Variants in SMAP2 observed in about 807,000 individuals in gnomAD.
SMAP2 encodes stromal membrane-associated protein 2.
SMAP2 carries 25 observed loss-of-function variants against 56.4 expected under a neutral mutation model. That is an observed-to-expected ratio of 0.44 (90% CI 0.32 to 0.62). The LOEUF is 0.62. Ranked by LOEUF, SMAP2 falls within the 20% of genes least tolerant of loss-of-function variation. The pLI, the probability that SMAP2 is intolerant of heterozygous loss-of-function variation, is 0.04. For missense variants in SMAP2, 388 were observed against 545.6 expected, an observed-to-expected ratio of 0.71 and a Z score of 2.88; for synonymous variants, 157 against 181.7, an observed-to-expected ratio of 0.86 and a Z score of 1.09.
At chr1:40,363,656 G>A (rs533657392) in intron 2 of SMAP2, among the ~76,000 whole-genome samples, 10 of 152,312 alleles carry the variant, frequency 6.6e-5, no homozygotes, top group South Asian at 6.2e-4. Context: ...AGTAATCACA[G>A]TACCTGGTTT....
At chr1:40,348,000 T>G (rs936947323) in intron 1 of SMAP2, among the ~76,000 whole-genome samples, 4 of 152,140 alleles carry the variant, frequency 2.6e-5, no homozygotes, top group Non-Finnish European at 4.4e-5. Context: ...TTATAAATAA[T>G]GTTTTAAAAA....
chr1:40,399,927 T>A (rs939836511), intron 1 of SMAP2, among the ~76,000 whole-genome samples: 7 of 152,280 alleles, frequency 4.6e-5, no homozygotes, highest in Admixed American at 4.6e-4. Context: ...AGTTGATAAT[T>A]GCTGAAGCTC....
Position 40,406,767 on chromosome 1 carries a change from G to T in SMAP2, c.135G>T (p.Val45=). ...GPRWASWNIG[V]FICIRCAGIH... is the part of the protein sequence containing the mutation. Reference sequence around the variant, plus strand: ...GATGGGCCTCTTGGAACATTGGTGTGTTCATCTGCATTCGATGTGCTGGAA... The same window carrying T: ...GATGGGCCTCTTGGAACATTGGTGTTTTCATCTGCATTCGATGTGCTGGAA... The change falls in exon 2 of 10, where the codon GTG becomes GTT. Residue 45 remains valine, a synonymous_variant. Transcript: ENST00000372718. The T allele has an allele frequency of 1.2e-6, 2 of 1,614,082 alleles. No homozygotes were observed. Among genetic ancestry groups the T allele is most frequent in the Non-Finnish European group, 1.7e-6 (2 of 1,179,950 alleles).
At chr1:40,405,897 A>G (rs1049564000) in intron 1 of SMAP2, among the ~76,000 whole-genome samples, 2 of 152,194 alleles carry the variant, frequency 1.3e-5, no homozygotes, top group African/African-American at 2.4e-5. Flanking sequence ...TTTTGTTGCT[A>G]TAAGCATCTT....
In SMAP2 at chr1:40,368,201, G is replaced by GT. The variant is rs1372098086; in HGVS notation, c.55+5765_55+5766insT. Among the ~76,000 whole-genome samples, 6 of 143,620 alleles carry GT rather than the reference G, an allele frequency of 4.2e-5. No individual in the cohort carries two copies. In the East Asian group the frequency reaches 1.3e-3, roughly 30 times the overall value. The allele number at this position is 143,620 out of a possible 152,430, so 94.2% of individuals were successfully genotyped here. A position where few individuals can be genotyped will look rare whatever the true frequency, so the allele number is the denominator to read the frequency against. On this transcript the variant is annotated intron_variant, in intron 2 of 6. Coordinates refer to the SMAP2 transcript ENST00000435168. ...ACCAATAACAGGAGCTGAAATTGTG[G>GT]CAATAATCAATAGCTTACCAACCAA...
At chr1:40,413,974 G>C in intron 5 of SMAP2, 185 bp from the exon 6 acceptor site, 1 of 577,040 alleles carries the variant, frequency 1.7e-6, no homozygotes, top group Non-Finnish European at 3.1e-6. Flanking sequence ...TTTTAGGTTT[G>C]GTTTATGCAC....
intron 3 of SMAP2, among the ~76,000 whole-genome samples, chr1:40,409,171 T>C (rs1305224402): frequency 6.6e-6 from 1 of 152,268 alleles, no homozygotes; most frequent in African/African-American, 2.4e-5. Context: ...CAATAACCAA[T>C]AACTTTCTTC....
At position 40,422,032 on chromosome 1, in the gene SMAP2, T is replaced by C. The variant is rs370090691; in HGVS notation, c.1221T>C (p.Tyr407=). 13 of 1,614,158 alleles carry C rather than the reference T, an allele frequency of 8.1e-6. No homozygotes were observed. The African/African-American group carries it at 1.7e-4, about 22-fold the overall frequency. Residue 407 remains tyrosine (Y), a synonymous_variant, in exon 10 of 10, where the codon TAT becomes TAC. Coordinates refer to ENST00000372718, the MANE Select transcript of SMAP2 (RefSeq NM_022733.3). ...NFYGANGMMN[Y]GQSMSGGNGQ... ...ATGGAGCCAATGGCATGATGAACTATGGACAGTCAATGAGTGGCGGAAATG... is the reference window on the plus strand; with the variant it reads ...ATGGAGCCAATGGCATGATGAACTACGGACAGTCAATGAGTGGCGGAAATG...
Position 40,416,275 on chromosome 1 carries a change from A to C in SMAP2, c.781A>C (p.Lys261Gln), listed in dbSNP as rs752873909. 6.2e-7 allele frequency: 1 copy of C among 1,614,016 alleles called. No homozygotes were observed. Among genetic ancestry groups the C allele is most frequent in the African/African-American group, 1.3e-5 (1 of 74,926 alleles). ...PGSKSEEIGKKQLSKDSILSL... is the reference protein window; with the variant it reads ...PGSKSEEIGKQQLSKDSILSL... Reference sequence around the variant, plus strand: ...GAGCAAATCAGAAGAAATAGGCAAGAAACAGCTCTCTAAAGACTCCATTCT... The same window carrying C: ...GAGCAAATCAGAAGAAATAGGCAAGCAACAGCTCTCTAAAGACTCCATTCT... The change falls in exon 8 of 10, where the codon AAA becomes CAA. Residue 261 changes from lysine to glutamine, a missense_variant. Physicochemically the swap from Lys to Gln is moderately conservative, Grantham distance 53. Coordinates refer to ENST00000372718, the MANE Select transcript of SMAP2 (RefSeq NM_022733.3).
chr1:40,415,154 G>A, intron 6 of SMAP2, 118 bp from the exon 7 acceptor site: 1 of 755,754 alleles, frequency 1.3e-6, no homozygotes, highest in East Asian at 2.5e-5. Context: ...GATGGTTCCA[G>A]AAGTCTAGAT....
intron 1 of SMAP2, among the ~76,000 whole-genome samples, chr1:40,354,236 G>A (rs1279417393): frequency 6.6e-6 from 1 of 152,180 alleles, no homozygotes; most frequent in African/African-American, 2.4e-5. Context: ...ATCCAAGGGT[G>A]ACTTCAAATG....
chr1:40,409,124 C>T (rs760738501), intron 3 of SMAP2, among the ~76,000 whole-genome samples: 9 of 152,178 alleles, frequency 5.9e-5, no homozygotes, highest in Non-Finnish European at 1.2e-4. Flanking sequence ...CTTTTTATGT[C>T]TTGGGTGAAA....
At chr1:40,400,460 G>A (rs976778393) in intron 1 of SMAP2, among the ~76,000 whole-genome samples, 1 of 152,142 alleles carries the variant, frequency 6.6e-6, no homozygotes. Flanking sequence ...GCTATTAGGA[G>A]GTTATTGCAG....
At chr1:40,394,865 A>G (rs528308980) in intron 1 of SMAP2, among the ~76,000 whole-genome samples, 1 of 152,278 alleles carries the variant, frequency 6.6e-6, no homozygotes, top group East Asian at 1.9e-4. Flanking sequence ...GAGACTCACC[A>G]CACCCAAGAG....
rs1376655416 is a variant in SMAP2, at chr1:40,374,011, C to T, written c.-110C>T. 6 of 800,972 alleles carry T rather than the reference C, an allele frequency of 7.5e-6. No individual in the cohort carries two copies. Among genetic ancestry groups the T allele is most frequent in the Middle Eastern group, 3.6e-4 (1 of 2,798 alleles). 49.6% of individuals were successfully genotyped at this position (800,972 alleles called of 1,614,324 possible). ...GCCGGAGGAGAGGGCTCTCCCCGCT[C>T]AGGAGGTGCCCCTGGGCGGGGGACC... is the stretch of plus-strand genomic sequence containing the variant. On this transcript the variant is annotated 5_prime_UTR_variant, in exon 1 of 10. Coordinates refer to ENST00000372718, the MANE Select transcript of SMAP2 (RefSeq NM_022733.3). This position sits in a 1 kb window ranked among gnomAD's most constrained non-coding sequence, Gnocchi z 5.9.
At chr1:40,406,984 AACAC>A in intron 2 of SMAP2, 115 bp downstream of exon 2, 2 of 1,100,172 alleles carry the variant, frequency 1.8e-6, no homozygotes, top group Non-Finnish European at 2.6e-6. Context: ...TTAGTTGTTA[AACAC>A]TTAACATCAG....
Position 40,386,533 on chromosome 1 carries a change from T to C in SMAP2, c.103+12310T>C, listed in dbSNP as rs1644656658. Reference sequence around the variant, plus strand: ...GTTCTGAGCCTAGTCTCGACAGAAGTAGCCTGACACAAGTGGCTCAGATCA... The same window carrying C: ...GTTCTGAGCCTAGTCTCGACAGAAGCAGCCTGACACAAGTGGCTCAGATCA... On this transcript the variant is annotated intron_variant, in intron 1 of 9. Transcript: ENST00000372718. The surrounding 1 kb of genome is among the most constrained non-coding windows in gnomAD (Gnocchi z 4.1). Among the ~76,000 whole-genome samples the C allele has an allele frequency of 6.6e-6, 1 of 152,200 alleles. No homozygotes were observed. Among genetic ancestry groups the C allele is most frequent in the African/African-American group, 2.4e-5 (1 of 41,442 alleles).
At position 40,374,106 on chromosome 1, in the gene SMAP2, G is replaced by A. The variant is rs762302391; in HGVS notation, c.-15G>A. ...GGAGGGCGCGTCGCCCTCTGCCCCC[G>A]CCGGCACCCTGGCCATGACAGGCAA... On this transcript the variant is annotated 5_prime_UTR_variant, in exon 1 of 10. Coordinates refer to ENST00000372718, the MANE Select transcript of SMAP2 (RefSeq NM_022733.3). The surrounding 1 kb of genome is among the most constrained non-coding windows in gnomAD (Gnocchi z 5.9). The A allele has an allele frequency of 6.2e-7, 1 of 1,604,830 alleles. No homozygotes were observed. The highest frequency in any genetic ancestry group is 2.2e-5 in the East Asian group (1 of 44,574).
intron 1 of SMAP2, among the ~76,000 whole-genome samples, chr1:40,359,407 G>A (rs150902699): frequency 6.6e-6 from 1 of 152,182 alleles, no homozygotes; most frequent in African/African-American, 2.4e-5. Flanking sequence ...CCCTATTTGT[G>A]TCTTTATAAG....
Sources: gnomAD v4.1 joint callset for allele counts (sites outside exome capture counted in the v4.1 genomes callset) on GRCh38, gnomAD v4.1.1 for gene constraint, Gnocchi (gnomAD v3.1) non-coding constraint, MANE v1.5 for transcripts, NCBI Gene and HGNC (gene_info 2026-07-23, HGNC 2026-07-21) for gene names.